PTPRJ: variants seen among roughly 807,000 people sequenced by gnomAD.
PTPRJ encodes receptor-type tyrosine-protein phosphatase eta.
A neutral mutation model predicts 141.3 loss-of-function variants in PTPRJ; 129 were observed. The observed-to-expected ratio is 0.91, with a 90% CI of 0.79 to 1.06. The LOEUF (loss-of-function observed/expected upper bound fraction) is 1.06, where lower values mean the gene tolerates loss of function less well. Ranked by LOEUF, PTPRJ falls within the 50% of genes least tolerant of loss-of-function variation. The probability of loss-of-function intolerance (pLI) is 0.00; values close to 1 mark genes in which losing one functional copy is unlikely to be tolerated. For missense variants in PTPRJ, 1,601 were observed against 1,679.7 expected (o/e 0.95, Z 0.82); for synonymous variants, 610 against 640.5 (o/e 0.95, Z 0.72).
intron 1 of PTPRJ, among the ~76,000 whole-genome samples, chr11:48,018,339 G>T (rs1855004657): frequency 6.6e-6 from 1 of 152,044 alleles, no homozygotes; most frequent in African/African-American, 2.4e-5. Context: ...CACCCGGGAT[G>T]CTGCTGAATG....
chr11:48,093,429 T>C (rs977622471), intron 1 of PTPRJ, among the ~76,000 whole-genome samples: 6 of 152,384 alleles, frequency 3.9e-5, no homozygotes, highest in Admixed American at 3.3e-4. Flanking sequence ...ACCATCCATG[T>C]GCTGCTTTTA....
chr11:48,157,532 G>A (rs910876891), intron 21 of PTPRJ, among the ~76,000 whole-genome samples: 2 of 152,192 alleles, frequency 1.3e-5, no homozygotes, highest in Non-Finnish European at 2.9e-5. Flanking sequence ...TTTCTAATTC[G>A]GAATTGCGTT....
At position 48,136,116 on chromosome 11, in the gene PTPRJ, G is replaced by A. The variant is rs1393753353; in HGVS notation, c.1693G>A (p.Gly565Ser). ...EMWLDWKSPD[G>S]ASEYVYHLVI... is the part of the protein sequence containing the mutation. ...GTGGCTGGACTGGAAGAGCCCTGAC[G>A]GTGCTTCCGAGTATGTCTACCATTT... is the stretch of plus-strand genomic sequence containing the variant. Residue 565 changes from glycine (G) to serine (S), a missense_variant, in exon 9 of 25, where the codon GGT becomes AGT. Physicochemically the swap from Gly to Ser is moderately conservative, Grantham distance 56. Transcript: ENST00000418331. 2 of 1,614,156 alleles carry A rather than the reference G, an allele frequency of 1.2e-6. No individual in the cohort carries two copies. The highest frequency in any genetic ancestry group is 1.3e-5 in the African/African-American group (1 of 75,022).
intron 1 of PTPRJ, among the ~76,000 whole-genome samples, chr11:48,058,478 G>A (rs917636814): frequency 1.3e-5 from 2 of 152,148 alleles, no homozygotes; most frequent in Non-Finnish European, 2.9e-5. Flanking sequence ...CTGCTAAAGT[G>A]CTAGGATTAC....
At position 47,980,883 on chromosome 11, in the gene PTPRJ, G is replaced by A. The variant is rs1279575187; in HGVS notation, c.-30G>A. 16 of 1,121,160 alleles carry A rather than the reference G, an allele frequency of 1.4e-5. No homozygotes were observed. The highest frequency in any genetic ancestry group is 1.6e-5 in the Non-Finnish European group (15 of 918,508). The allele number at this position is 1,121,160 out of a possible 1,614,324, so 69.5% of individuals were successfully genotyped here. ...GCGCACGGCGGGGCCCGATTCGCGCGTCCGGGGCACGTTCCAGGGCGCGCG... is the reference window on the plus strand; with the variant it reads ...GCGCACGGCGGGGCCCGATTCGCGCATCCGGGGCACGTTCCAGGGCGCGCG... On this transcript the variant is annotated 5_prime_UTR_variant, in exon 1 of 25. Transcript: ENST00000418331.
intron 1 of PTPRJ, among the ~76,000 whole-genome samples, chr11:48,031,770 GGA>G (rs1853991476): frequency 6.6e-6 from 1 of 152,256 alleles, no homozygotes; most frequent in African/African-American, 2.4e-5. Flanking sequence ...ATTCTGCTAC[GGA>G]GAGTGTGACT....
intron 6 of PTPRJ, 70 bp downstream of exon 6, chr11:48,125,256 G>T: frequency 6.6e-7 from 1 of 1,513,806 alleles, no homozygotes; most frequent in South Asian, 1.1e-5. Flanking sequence ...CTGTGATTCT[G>T]ATTCTGAGTG....
chr11:47,984,060 C>G (rs1162884982), intron 1 of PTPRJ, among the ~76,000 whole-genome samples: 5 of 152,244 alleles, frequency 3.3e-5, no homozygotes, highest in Middle Eastern at 3.4e-3. Context: ...AACGGGAAAA[C>G]CAAACGATTA....
intron 1 of PTPRJ, among the ~76,000 whole-genome samples, chr11:48,022,275 G>A (rs542604580): frequency 2.2e-3 from 341 of 152,096 alleles, no homozygotes; most frequent in Non-Finnish European, 3.9e-3. Flanking sequence ...GACCAGCCTG[G>A]CCAACATGGA....
At chr11:48,067,811 A>G (rs184221709) in intron 1 of PTPRJ, among the ~76,000 whole-genome samples, 1 of 152,360 alleles carries the variant, frequency 6.6e-6, no homozygotes, top group East Asian at 1.9e-4. Context: ...GAGGCCTGCA[A>G]AAAGCTATGA....
chr11:48,138,592 C>A (rs904640092), intron 10 of PTPRJ, among the ~76,000 whole-genome samples: 1 of 152,178 alleles, frequency 6.6e-6, no homozygotes, highest in Non-Finnish European at 1.5e-5. Context: ...CAGTAAAAAT[C>A]TAATGGCCCT....
intron 1 of PTPRJ, among the ~76,000 whole-genome samples, chr11:48,028,838 C>T (rs971143073): frequency 2.6e-5 from 4 of 152,182 alleles, no homozygotes; most frequent in South Asian, 2.1e-4. Flanking sequence ...GAATCAAACA[C>T]GTCTGCAAGC....
intron 1 of PTPRJ, among the ~76,000 whole-genome samples, chr11:48,016,593 A>G (rs1854954834): frequency 6.6e-6 from 1 of 152,148 alleles, no homozygotes; most frequent in African/African-American, 2.4e-5. Flanking sequence ...CATATGGGGA[A>G]GTCACTTTTC....
Position 48,112,732 on chromosome 11 carries a change from A to G in PTPRJ, c.116-15A>G, listed in dbSNP as rs1175576919. On this transcript the variant is annotated splice_polypyrimidine_tract_variant and intron_variant, in intron 2 of 24. Transcript: ENST00000418331. ...AAATATATTTTTAATCTAATTGTTTACTTTCTTTGCATAGCCCCTAGTCCA... is the reference window on the plus strand; with the variant it reads ...AAATATATTTTTAATCTAATTGTTTGCTTTCTTTGCATAGCCCCTAGTCCA... The G allele has an allele frequency of 2.6e-6, 4 of 1,562,720 alleles. No individual in the cohort carries two copies. In the Admixed American group the frequency reaches 6.7e-5, roughly 26 times the overall value.
chr11:48,058,260 C>T (rs2134256652), intron 1 of PTPRJ, among the ~76,000 whole-genome samples: 1 of 152,184 alleles, frequency 6.6e-6, no homozygotes, highest in East Asian at 1.9e-4. Context: ...CTCTGGTGTG[C>T]AGTGGTGTGA....
intron 3 of PTPRJ, 123 bp downstream of exon 3, chr11:48,113,106 A>G (rs1266824134): frequency 1.0e-5 from 8 of 778,822 alleles, no homozygotes; most frequent in South Asian, 2.0e-5. Flanking sequence ...AAAAATTTTT[A>G]TAAAGATAGT....
chr11:48,112,026 T>C (rs1246423356), intron 2 of PTPRJ, among the ~76,000 whole-genome samples: 1 of 152,046 alleles, frequency 6.6e-6, no homozygotes, highest in East Asian at 1.9e-4. Context: ...GCGGTGAATG[T>C]TCTGAGCTGT....
At position 48,036,509 on chromosome 11, in the gene PTPRJ, T is replaced by A. The variant is rs139484363; in HGVS notation, c.96+55501T>A. On this transcript the variant is annotated intron_variant, in intron 1 of 24. Transcript: ENST00000418331. Reference sequence around the variant, plus strand: ...AATGTTACGTGGGTTGTAAATGTAATTGTTAATATTATTTAAAAATTTTTG... The same window carrying A: ...AATGTTACGTGGGTTGTAAATGTAAATGTTAATATTATTTAAAAATTTTTG... 3.9e-5 allele frequency among the ~76,000 whole-genome samples: 6 copies of A among 152,364 alleles called. No individual in the cohort carries two copies. The East Asian group carries it at 1.2e-3, about 29-fold the overall frequency.
At chr11:48,084,408 T>A (rs1411228321) in intron 1 of PTPRJ, among the ~76,000 whole-genome samples, 2 of 152,158 alleles carry the variant, frequency 1.3e-5, no homozygotes, top group African/African-American at 4.8e-5. Context: ...TGTCTCGAAC[T>A]CCTGACCTCA....
Sources: allele counts gnomAD v4.1 joint callset (sites outside exome capture counted in the v4.1 genomes callset), GRCh38; gene constraint gnomAD v4.1.1; transcripts MANE v1.5; gene names NCBI Gene and HGNC (gene_info 2026-07-23, HGNC 2026-07-21).